TDRD9: variants seen among roughly 807,000 people sequenced by gnomAD.
TDRD9 encodes the protein ATP-dependent RNA helicase TDRD9.
In TDRD9, 124 loss-of-function variants were observed where a neutral mutation model predicts 172.6. The observed-to-expected ratio is 0.72, with a 90% CI of 0.62 to 0.83. The LOEUF is 0.83. Ranked by LOEUF, TDRD9 falls within the 40% of genes least tolerant of loss-of-function variation. The pLI is 0.00. For synonymous variants in TDRD9, 619 were observed against 617.1 expected (o/e 1.00, Z -0.05); for missense variants, 1,479 against 1,714.1 (o/e 0.86, Z 2.42).
chr14:104,033,524 G>C (rs1354788819), intron 30 of TDRD9, among the ~76,000 whole-genome samples: 1 of 152,200 alleles, frequency 6.6e-6, no homozygotes, highest in Non-Finnish European at 1.5e-5. Context: ...AAGAATTAAG[G>C]GTGCCCTTGC....
rs1407490999 is a variant in TDRD9 at position 104,018,178 on chromosome 14, A to G, written c.2418A>G (p.Val806=). The G allele has an allele frequency of 6.3e-7, 1 of 1,592,834 alleles. No individual in the cohort carries two copies. The highest frequency in any genetic ancestry group is 8.6e-7 in the Non-Finnish European group (1 of 1,163,512). The part of the protein sequence containing the change: ...FRQCGQVKSI[V]FDGAKAFVEF... The stretch of plus-strand genomic sequence containing the variant: ...AGTGTGGTCAAGTCAAATCCATTGT[A>G]TTTGATGGTGCAAAGTAAGTATATT... Residue 806 remains valine, a synonymous_variant, in exon 23 of 36, where the codon GTA becomes GTG. Coordinates refer to ENST00000409874, the MANE Select transcript of TDRD9 (RefSeq NM_153046.3).
rs577644014 is a variant in TDRD9 at position 104,012,819 on chromosome 14, A to C, written c.2107-1906A>C. On this transcript the variant is annotated intron_variant, in intron 20 of 35. Coordinates refer to ENST00000409874, the MANE Select transcript of TDRD9 (RefSeq NM_153046.3). ...CATAACCATAGCTCACTGCAGCCTCAAACTCCTGTGCTTAAGCAATCCTCC... is the reference window on the plus strand; with the variant it reads ...CATAACCATAGCTCACTGCAGCCTCCAACTCCTGTGCTTAAGCAATCCTCC... 2.0e-5 allele frequency among the ~76,000 whole-genome samples: 3 copies of C among 152,250 alleles called. No homozygotes were observed. In the South Asian group the frequency reaches 6.2e-4, roughly 32 times the overall value.
intron 2 of TDRD9, among the ~76,000 whole-genome samples, 180 bp from the exon 3 acceptor site, chr14:103,962,899 C>T (rs1002155267): frequency 2.0e-5 from 3 of 151,552 alleles, no homozygotes; most frequent in South Asian, 2.1e-4. Flanking sequence ...TACCTATGTT[C>T]GTTCCATGTC....
In TDRD9 at chr14:104,034,002, C is replaced by T. The variant is rs1304885071; in HGVS notation, c.3552C>T (p.Ile1184=). 1.5e-5 allele frequency: 24 copies of T among 1,551,526 alleles called. No individual in the cohort carries two copies. The highest frequency in any genetic ancestry group is 1.4e-4 in the Admixed American group (7 of 50,976). Residue 1184 remains isoleucine (I), a synonymous_variant, in exon 31 of 36, where the codon ATC becomes ATT. Coordinates refer to ENST00000409874, the MANE Select transcript of TDRD9 (RefSeq NM_153046.3). ...AGGAGAGCATCAACTCTGTCATTATCAGTGACGCCCCTGAAGACCTTCACC... is the reference window on the plus strand; with the variant it reads ...AGGAGAGCATCAACTCTGTCATTATTAGTGACGCCCCTGAAGACCTTCACC... ...IEKESINSVI[I]SDAPEDLHQR...
intron 13 of TDRD9, among the ~76,000 whole-genome samples, chr14:104,001,156 TGATCA>T (rs1192701473): frequency 6.6e-6 from 1 of 152,216 alleles, no homozygotes; most frequent in Non-Finnish European, 1.5e-5. Flanking sequence ...ACCACTACTA[TGATCA>T]GAGCACAGAA....
chr14:103,964,212 C>T (rs1271133415), intron 3 of TDRD9, among the ~76,000 whole-genome samples: 2 of 152,044 alleles, frequency 1.3e-5, no homozygotes, highest in Non-Finnish European at 2.9e-5. Context: ...CACTGCACTC[C>T]AGCCTGGGTG....
chr14:103,943,411 A>T (rs954357013), intron 1 of TDRD9, among the ~76,000 whole-genome samples: 4 of 150,942 alleles, frequency 2.7e-5, no homozygotes, highest in African/African-American at 7.3e-5. Flanking sequence ...ATATATGTAT[A>T]TATACACATA....
At chr14:103,972,659 G>A (rs1264049199) in intron 6 of TDRD9, among the ~76,000 whole-genome samples, 2 of 152,188 alleles carry the variant, frequency 1.3e-5, no homozygotes, top group Non-Finnish European at 2.9e-5. Context: ...TCTATGATGG[G>A]GCTGCTTTGG....
Position 103,970,636 on chromosome 14 carries a change from A to C in TDRD9, c.846+15A>C, listed in dbSNP as rs2032980905. On this transcript the variant is annotated intron_variant, in intron 6 of 35. Coordinates refer to ENST00000409874, the MANE Select transcript of TDRD9 (RefSeq NM_153046.3). ...GTTTTGTGAAGGTAAATTTGATTTCATGAGTAACAGACATATTTAGGATTA... is the reference window on the plus strand; with the variant it reads ...GTTTTGTGAAGGTAAATTTGATTTCCTGAGTAACAGACATATTTAGGATTA... 6.6e-7 allele frequency: 1 copy of C among 1,516,486 alleles called. No individual in the cohort carries two copies. Among genetic ancestry groups the C allele is most frequent in the Non-Finnish European group, 9.0e-7 (1 of 1,114,962 alleles). The allele number at this position is 1,516,486 out of a possible 1,614,324, so 93.9% of individuals were successfully genotyped here.
chr14:104,032,247 T>C (rs8021210), intron 30 of TDRD9, among the ~76,000 whole-genome samples, 160 bp downstream of exon 30: 143,562 of 152,046 alleles, frequency 0.94, 68,324 homozygotes, highest in East Asian at 1. Flanking sequence ...CATTCTGTCA[T>C]TCAGGCTGGA....
chr14:103,965,876 C>T (rs2032719323), intron 4 of TDRD9, among the ~76,000 whole-genome samples: 1 of 152,004 alleles, frequency 6.6e-6, no homozygotes, highest in African/African-American at 2.4e-5. Flanking sequence ...ACCCGGGAGG[C>T]AGAGGTTGCA....
Position 103,928,739 on chromosome 14 carries a change from G to GGGCGGA in TDRD9, c.215+21_215+26dup. ...GCGTTCGAAAGGTAGGACGCGGGCG[G>GGGCGGA]GGCGGAGGCGGCTGGAGGGCGGCCG... On this transcript the variant is annotated intron_variant, in intron 1 of 35. Coordinates refer to ENST00000409874, the MANE Select transcript of TDRD9 (RefSeq NM_153046.3). The GGGCGGA allele has an allele frequency of 9.4e-7, 1 of 1,065,788 alleles. No homozygotes were observed. The allele number at this position is 1,065,788 out of a possible 1,614,324, so 66.0% of individuals were successfully genotyped here.
chr14:103,998,862 G>A lies in TDRD9; in HGVS notation c.1483+134G>A, dbSNP rs535309765. On this transcript the variant is annotated intron_variant, in intron 13 of 35. Coordinates refer to ENST00000409874, the MANE Select transcript of TDRD9 (RefSeq NM_153046.3). ...GGCTGGAAGGCAGTGGCGCGATCTCGGTTCACTGCAAGCTCCGCTTCCCGG... is the reference window on the plus strand; with the variant it reads ...GGCTGGAAGGCAGTGGCGCGATCTCAGTTCACTGCAAGCTCCGCTTCCCGG... 8.0e-4 allele frequency: 431 copies of A among 540,936 alleles called. 6 individuals carry two copies. The South Asian group carries it at 0.01, about 13-fold the overall frequency. The allele number at this position is 540,936 out of a possible 1,614,324, so 33.5% of individuals were successfully genotyped here.
At chr14:104,024,748 TTA>T (rs2035062794) in intron 25 of TDRD9, 68 bp downstream of exon 25, 1 of 642,718 alleles carries the variant, frequency 1.6e-6, no homozygotes, top group Non-Finnish European at 2.6e-6. Context: ...TACAGGAAGT[TTA>T]CACACACACA....
At chr14:104,038,197 T>C (rs2035507792) in intron 32 of TDRD9, among the ~76,000 whole-genome samples, 1 of 152,094 alleles carries the variant, frequency 6.6e-6, no homozygotes, top group African/African-American at 2.4e-5. Context: ...TGAACAGGCA[T>C]GAGAGGGTGG....
chr14:104,000,329 CAAAAAAAAAAAAAA>C (rs60498436), intron 13 of TDRD9, among the ~76,000 whole-genome samples: 1 of 127,960 alleles, frequency 7.8e-6, no homozygotes, highest in African/African-American at 3.3e-5. Flanking sequence ...AGCCCCGTCT[CAAAAAAAAAAAAAA>C]AAAAAAAAGT....
chr14:104,024,475 A>G, intron 24 of TDRD9, 94 bp from the exon 25 acceptor site: 3 of 616,218 alleles, frequency 4.9e-6, no homozygotes, highest in South Asian at 2.5e-5. Flanking sequence ...TCTTGTAGAA[A>G]TATTAGAATA....
Position 103,935,112 on chromosome 14 carries a change from A to G in TDRD9, c.215+6388A>G, listed in dbSNP as rs74634084. Among the ~76,000 whole-genome samples, 128 of 152,356 alleles carry G rather than the reference A, an allele frequency of 8.4e-4. 3 individuals are homozygous for G. The East Asian group carries it at 0.024, about 28-fold the overall frequency. Reference sequence around the variant, plus strand: ...GACTGCAACCCTTTCCTGGGTCTCCAGCTAGCTGGCCTATCCTGCAGATTT... The same window carrying G: ...GACTGCAACCCTTTCCTGGGTCTCCGGCTAGCTGGCCTATCCTGCAGATTT... On this transcript the variant is annotated intron_variant, in intron 1 of 35. Transcript: ENST00000409874.
At chr14:103,995,694 C>G in intron 11 of TDRD9, 56 bp from the exon 12 acceptor site, 1 of 1,470,420 alleles carries the variant, frequency 6.8e-7, no homozygotes, top group Non-Finnish European at 9.2e-7. Flanking sequence ...TAAACTTTGC[C>G]TAATGATGTT....
Sources: gnomAD v4.1 joint callset for allele counts (sites outside exome capture counted in the v4.1 genomes callset) on GRCh38, gnomAD v4.1.1 for gene constraint, MANE v1.5 for transcripts, NCBI Gene and HGNC (gene_info 2026-07-23, HGNC 2026-07-21) for gene names.